Variants in ADGRL2 observed in about 807,000 individuals in gnomAD.
ADGRL2 encodes calcium-independent alpha-latrotoxin receptor 2.
ADGRL2 carries 44 observed loss-of-function variants against 157.4 expected under a neutral mutation model. The ratio of observed to expected loss-of-function variants is 0.28; its 90% CI spans 0.22 to 0.36. The LOEUF (loss-of-function observed/expected upper bound fraction) is 0.36, where lower values mean the gene tolerates loss of function less well. ADGRL2 is among the 10% of genes least tolerant of loss of function. ADGRL2 has a pLI of 1.00. For synonymous variants in ADGRL2, 585 were observed against 624.7 expected, an observed-to-expected ratio of 0.94 and a Z score of 0.95; for missense variants, 1,510 against 1,768.9, an observed-to-expected ratio of 0.85 and a Z score of 2.63.
chr1:81,741,487 G>A (rs954867), intron 1 of ADGRL2, among the ~76,000 whole-genome samples: 43,897 of 151,724 alleles, frequency 0.29, 6,514 homozygotes, highest in South Asian at 0.39. Flanking sequence ...ATTAAATTTC[G>A]TAGAGTATTA....
chr1:81,956,072 T>C lies in ADGRL2; in HGVS notation c.2017+12T>C, dbSNP rs745886751. Reference sequence around the variant, plus strand: ...CACAGAAAATATTGGTAAGTGAATCTACTGTCAAGTTTAATTTTGATTTAG... The same window carrying C: ...CACAGAAAATATTGGTAAGTGAATCCACTGTCAAGTTTAATTTTGATTTAG... On this transcript the variant is annotated intron_variant, in intron 11 of 23. Transcript: ENST00000686636. The C allele has an allele frequency of 6.4e-7, 1 of 1,566,046 alleles. No homozygotes were observed. Among genetic ancestry groups the C allele is most frequent in the East Asian group, 2.3e-5 (1 of 43,568 alleles).
At chr1:81,781,694 C>T (rs1167290165) in intron 2 of ADGRL2, among the ~76,000 whole-genome samples, 3 of 152,126 alleles carry the variant, frequency 2.0e-5, no homozygotes, top group African/African-American at 7.2e-5. Context: ...ATCCAGGTGA[C>T]CATGGGTATC....
rs547944507 is a variant in ADGRL2, at chr1:81,425,633, C to T, written c.-301-19403C>T. On this transcript the variant is annotated intron_variant, in intron 1 of 24. Coordinates refer to the ADGRL2 transcript ENST00000370721. Reference sequence around the variant, plus strand: ...AAAAAAATTTACCATCCATTCTCCACCAGGCACTACAGGCAGAGATCTGGG... The same window carrying T: ...AAAAAAATTTACCATCCATTCTCCATCAGGCACTACAGGCAGAGATCTGGG... Among the ~76,000 whole-genome samples, 5 of 152,278 alleles carry T rather than the reference C, an allele frequency of 3.3e-5. No homozygotes were observed. In the East Asian group the frequency reaches 9.7e-4, roughly 29 times the overall value.
At chr1:81,501,589 C>T (rs931752737) in intron 2 of ADGRL2, among the ~76,000 whole-genome samples, 3 of 152,234 alleles carry the variant, frequency 2.0e-5, no homozygotes, top group African/African-American at 4.8e-5. Context: ...GCTGAGGCCC[C>T]GGCTGTGGCC....
intron 1 of ADGRL2, among the ~76,000 whole-genome samples, chr1:81,414,017 C>A (rs1007743858): frequency 3.6e-4 from 55 of 152,050 alleles, no homozygotes; most frequent in African/African-American, 1.2e-3. Flanking sequence ...TAAAGGCTGC[C>A]AACATAATCA....
At chr1:81,906,908 T>G (rs1292625748) in intron 2 of ADGRL2, 109 bp from the exon 3 acceptor site, 2 of 833,498 alleles carry the variant, frequency 2.4e-6, no homozygotes, top group African/African-American at 3.4e-5. Context: ...CTGAATTTTA[T>G]GACATCTCTT....
At chr1:81,795,595 T>G (rs1224221530), upstream of ADGRL2, among the ~76,000 whole-genome samples, 2 of 152,110 alleles carry the variant, frequency 1.3e-5, no homozygotes, top group African/African-American at 2.4e-5. Context: ...TGCAGAGAGG[T>G]TGTATGTGAG....
At chr1:81,807,079 T>G (rs892874290) in intron 1 of ADGRL2, among the ~76,000 whole-genome samples, 1 of 151,994 alleles carries the variant, frequency 6.6e-6, no homozygotes, top group African/African-American at 2.4e-5. Context: ...TCTTCAAGAT[T>G]ATTTGCAAAA....
chr1:81,610,229 GTTTTTTTTTTT>G (rs10657640), intron 3 of ADGRL2, among the ~76,000 whole-genome samples: 5 of 127,392 alleles, frequency 3.9e-5, no homozygotes, highest in East Asian at 2.3e-4. Context: ...TGGCTTGGAG[GTTTTTTTTTTT>G]TTTTTTTTGA....
At chr1:81,812,496 A>C (rs2149687909) in intron 1 of ADGRL2, among the ~76,000 whole-genome samples, 1 of 151,830 alleles carries the variant, frequency 6.6e-6, no homozygotes, top group South Asian at 2.1e-4. Flanking sequence ...AATAACTTAA[A>C]ATATAATAAA....
At chr1:81,982,577 C>A (rs1661976351) in intron 19 of ADGRL2, among the ~76,000 whole-genome samples, 2 of 151,856 alleles carry the variant, frequency 1.3e-5, no homozygotes, top group African/African-American at 4.8e-5. Flanking sequence ...TATAAAATTT[C>A]CATACCTTTC....
intron 3 of ADGRL2, among the ~76,000 whole-genome samples, chr1:81,935,371 C>A (rs559221174): frequency 1.3e-5 from 2 of 152,002 alleles, no homozygotes; most frequent in African/African-American, 4.8e-5. Flanking sequence ...TTATTTAGGT[C>A]TTGTTTGAAG....
chr1:81,703,778 G>A (rs1242407962), intron 1 of ADGRL2, among the ~76,000 whole-genome samples: 1 of 152,220 alleles, frequency 6.6e-6, no homozygotes, highest in African/African-American at 2.4e-5. Context: ...TGAGTAATGA[G>A]TCTGGACTTA....
At chr1:81,384,019 G>A (rs181330079) in intron 1 of ADGRL2, among the ~76,000 whole-genome samples, 57 of 151,220 alleles carry the variant, frequency 3.8e-4, no homozygotes, top group Admixed American at 7.2e-4. Context: ...CATATTTGGA[G>A]ACAAATTTAA....
intron 2 of ADGRL2, among the ~76,000 whole-genome samples, chr1:81,478,263 A>G (rs1046630239): frequency 6.6e-6 from 1 of 152,206 alleles, no homozygotes; most frequent in Non-Finnish European, 1.5e-5. Context: ...GCAGGAATCC[A>G]TGCTCGGTTC....
chr1:81,884,849 T>C (rs2094087384), intron 2 of ADGRL2, among the ~76,000 whole-genome samples: 1 of 152,192 alleles, frequency 6.6e-6, no homozygotes, highest in Non-Finnish European at 1.5e-5. Flanking sequence ...GTAATATTGC[T>C]TATATTATAT....
At chr1:81,517,194 C>T (rs568798333) in intron 2 of ADGRL2, among the ~76,000 whole-genome samples, 2 of 151,990 alleles carry the variant, frequency 1.3e-5, no homozygotes, top group South Asian at 2.1e-4. Flanking sequence ...CAAAACCGGC[C>T]GGGCACGGTG....
chr1:81,682,103 A>ATATGTGTGTGTGTGTGTG (rs141980830), intron 3 of ADGRL2, among the ~76,000 whole-genome samples: 27 of 148,036 alleles, frequency 1.8e-4, no homozygotes, highest in African/African-American at 6.0e-4. Context: ...ATACATATAT[A>ATATGTGTGTGTGTGTGTG]TGTGTGTGTG....
chr1:81,568,522 G>T (rs745965549), intron 2 of ADGRL2, among the ~76,000 whole-genome samples: 13 of 152,072 alleles, frequency 8.5e-5, no homozygotes, highest in Non-Finnish European at 1.6e-4. Context: ...TATACATGTG[G>T]CAGGACAAAT....
Sources: gnomAD v4.1 joint callset for allele counts (sites outside exome capture counted in the v4.1 genomes callset) on GRCh38, gnomAD v4.1.1 for gene constraint, MANE v1.5 for transcripts, NCBI Gene and HGNC (gene_info 2026-07-23, HGNC 2026-07-21) for gene names.